The following IGFBPL1 variants were observed in gnomAD, a reference collection of about 807,000 sequenced individuals.
IGFBPL1 encodes the protein insulin-like growth factor-binding protein-like 1.
A neutral mutation model predicts 23.9 loss-of-function variants in IGFBPL1; 20 were observed. The observed-to-expected ratio is 0.84, with a 90% CI of 0.59 to 1.22. The LOEUF (loss-of-function observed/expected upper bound fraction) is 1.22, where lower values mean the gene tolerates loss of function less well. Among genes scored for constraint, IGFBPL1 ranks in the 50% most tolerant of loss-of-function variants. IGFBPL1 has a pLI of 0.00. For missense variants in IGFBPL1, 436 were observed against 379.3 expected (o/e 1.15, Z -1.24); for synonymous variants, 184 against 171.8 (o/e 1.07, Z -0.56).
rs954317542 is a variant in IGFBPL1, at chr9:38,413,752, G to A, written c.570+342C>T. Among the ~76,000 whole-genome samples the A allele has an allele frequency of 3.3e-5, 5 of 152,262 alleles. No individual in the cohort carries two copies. In the East Asian group the frequency reaches 5.8e-4, roughly 18 times the overall value. ...CCAGGTCTGTCTGAAACACAGCCCC[G>A]AAGTGAAGCAGGATACACACACACA... On this transcript the variant is annotated intron_variant, in intron 2 of 4. Coordinates refer to ENST00000377694, the MANE Select transcript of IGFBPL1 (RefSeq NM_001007563.3).
intron 1 of IGFBPL1, among the ~76,000 whole-genome samples, chr9:38,420,745 G>A (rs1821667863): frequency 6.6e-6 from 1 of 152,208 alleles, no homozygotes; most frequent in African/African-American, 2.4e-5. Context: ...GCTGAGGCAG[G>A]AGAATGGCGT....
intron 4 of IGFBPL1, among the ~76,000 whole-genome samples, chr9:38,411,115 C>T (rs1424094782): frequency 6.6e-6 from 1 of 151,900 alleles, no homozygotes; most frequent in Admixed American, 6.5e-5. Context: ...AGGAAATATT[C>T]CCTCCAGCCC....
At chr9:38,421,797 C>G (rs1276582492) in intron 1 of IGFBPL1, among the ~76,000 whole-genome samples, 1 of 152,214 alleles carries the variant, frequency 6.6e-6, no homozygotes, top group African/African-American at 2.4e-5. Context: ...GCAGAGGCCA[C>G]ACTAGCACTT....
At chr9:38,411,575 A>G in intron 3 of IGFBPL1, 26 bp from the exon 4 acceptor site, 3 of 1,607,638 alleles carry the variant, frequency 1.9e-6, no homozygotes, top group Non-Finnish European at 2.6e-6. Context: ...GCAAGTTTAT[A>G]CAGTTATATA....
rs1485473028 is a variant in IGFBPL1, at chr9:38,407,100, C to T, written c.*2127G>A. 1.3e-5 allele frequency among the ~76,000 whole-genome samples: 2 copies of T among 151,050 alleles called. No homozygotes were observed. Among genetic ancestry groups the T allele is most frequent in the Non-Finnish European group, 2.9e-5 (2 of 67,870 alleles). ...GGAGAATTAACTGCAGGCCTTCACA[C>T]ATGGAAGTCAGTCACAGTGCGTGGA... On this transcript the variant is annotated 3_prime_UTR_variant, in exon 5 of 5. Transcript: ENST00000377694.
chr9:38,406,919 G>T lies in IGFBPL1; in HGVS notation c.*2308C>A, dbSNP rs1821437824. 6.6e-6 allele frequency among the ~76,000 whole-genome samples: 1 copy of T among 152,204 alleles called. No individual in the cohort carries two copies. Among genetic ancestry groups the T allele is most frequent in the South Asian group, 2.1e-4 (1 of 4,830 alleles). ...ACATCCAGCCCTTCAGTTTTCACTA[G>T]GCAAATCTGAGGTGAGTCAACTGAG... On this transcript the variant is annotated 3_prime_UTR_variant, in exon 5 of 5. Transcript: ENST00000377694.
intron 1 of IGFBPL1, among the ~76,000 whole-genome samples, chr9:38,415,823 C>T (rs550949450): frequency 5.6e-4 from 85 of 152,232 alleles, no homozygotes; most frequent in African/African-American, 2.0e-3. Context: ...CTGGGTGTCC[C>T]AGCAGCCCAC....
At chr9:38,412,904 C>A (rs1923426) in intron 3 of IGFBPL1, among the ~76,000 whole-genome samples, 42,563 of 152,100 alleles carry the variant, frequency 0.28, 6,068 homozygotes, top group Non-Finnish European at 0.3. Context: ...AATTGGCCCA[C>A]CCGGATAATC....
At chr9:38,417,298 T>C (rs1275509329) in intron 1 of IGFBPL1, among the ~76,000 whole-genome samples, 2 of 152,292 alleles carry the variant, frequency 1.3e-5, no homozygotes, top group Middle Eastern at 3.4e-3. Flanking sequence ...CCATCCTGCC[T>C]TTTCCCTAGA....
intron 1 of IGFBPL1, among the ~76,000 whole-genome samples, chr9:38,414,620 T>A (rs1821566997): frequency 6.6e-6 from 1 of 152,106 alleles, no homozygotes; most frequent in African/African-American, 2.4e-5. Flanking sequence ...CAGATGGGCT[T>A]TTCTCCTTCC....
chr9:38,411,542 G>A lies in IGFBPL1; in HGVS notation c.695C>T (p.Pro232Leu). ...HEATAWILIN[P>L]LRKEDEGVYQ... ...CACACCCTCATCCTCCTTTCGCAGG[G>A]GGTTGATCTAGAAATACAACAGGCA... Residue 232 changes from proline to leucine, a missense_variant, in exon 4 of 5, where the codon CCC becomes CTC. Physicochemically the swap from Pro to Leu is moderately conservative, Grantham distance 98. Transcript: ENST00000377694. 6.2e-7 allele frequency: 1 copy of A among 1,613,628 alleles called. No individual in the cohort carries two copies. Among genetic ancestry groups the A allele is most frequent in the Non-Finnish European group, 8.5e-7 (1 of 1,179,848 alleles).
intron 4 of IGFBPL1, among the ~76,000 whole-genome samples, chr9:38,410,307 C>A (rs1821493706): frequency 6.6e-6 from 1 of 151,664 alleles, no homozygotes; most frequent in Admixed American, 6.6e-5. Context: ...ACGGTGAAAC[C>A]CCGTCTCTAC....
In IGFBPL1 at chr9:38,412,634, T is replaced by C. The variant is rs535650661; in HGVS notation, c.687+603A>G. 4.6e-5 allele frequency among the ~76,000 whole-genome samples: 7 copies of C among 152,290 alleles called. No individual in the cohort carries two copies. The South Asian group carries it at 1.5e-3, about 32-fold the overall frequency. ...AGTGCCTTAAAACAAACACATTTCT[T>C]TTCTACAGTTTTGGAGGTCAGAGGC... On this transcript the variant is annotated intron_variant, in intron 3 of 4. Coordinates refer to ENST00000377694, the MANE Select transcript of IGFBPL1 (RefSeq NM_001007563.3).
intron 1 of IGFBPL1, among the ~76,000 whole-genome samples, chr9:38,418,273 G>A (rs1363552219): frequency 6.6e-6 from 1 of 152,192 alleles, no homozygotes; most frequent in African/African-American, 2.4e-5. Context: ...AAGAGTCCAG[G>A]TTCAAATCCT....
At chr9:38,415,861 C>T (rs748483983) in intron 1 of IGFBPL1, among the ~76,000 whole-genome samples, 39 of 152,154 alleles carry the variant, frequency 2.6e-4, no homozygotes, top group Non-Finnish European at 5.0e-4. Flanking sequence ...ACTGCCCTCC[C>T]CATCCCAGGC....
intron 1 of IGFBPL1, among the ~76,000 whole-genome samples, chr9:38,414,779 C>T (rs1821569378): frequency 6.6e-6 from 1 of 152,170 alleles, no homozygotes; most frequent in Non-Finnish European, 1.5e-5. Context: ...CTCCCCATCC[C>T]CAGAAGCCGA....
rs1253293910 is a variant in IGFBPL1, at chr9:38,424,375, G to A, written c.50C>T (p.Pro17Leu). 6 of 682,442 alleles carry A rather than the reference G, an allele frequency of 8.8e-6. No homozygotes were observed. Among genetic ancestry groups the A allele is most frequent in the South Asian group, 1.7e-5 (1 of 58,974 alleles). The allele number at this position is 682,442 out of a possible 1,614,324, so 42.3% of individuals were successfully genotyped here. A position where few individuals can be genotyped will look rare whatever the true frequency, so the allele number is the denominator to read the frequency against. ...GCTCGGGGACAGCGGCGGCAGCAGC[G>A]GCAGCAGCAGCAGAAGCAGCAGCGG... is the stretch of plus-strand genomic sequence containing the variant. ...LLPLLLLLLL[P>L]LLPPLSPSLG... The change falls in exon 1 of 5, where the codon CCG (proline) becomes CTG (leucine). Residue 17 changes from proline (P) to leucine (L), a missense_variant. Transcript: ENST00000377694.
rs753017533 is a variant in IGFBPL1 at position 38,424,335 on chromosome 9, G to A, written c.90C>T (p.Asp30=). ...PPLSPSLGIR[D]VGGRRPKCGP... is the part of the protein sequence containing the mutation. ...CACACTTGGGGCGCCGGCCGCCCAC[G>A]TCGCGGATCCCAAGGCTCGGGGACA... Residue 30 remains aspartate (D), a synonymous_variant, in exon 1 of 5, where the codon GAC becomes GAT. Coordinates refer to ENST00000377694, the MANE Select transcript of IGFBPL1 (RefSeq NM_001007563.3). 97 of 1,028,648 alleles carry A rather than the reference G, an allele frequency of 9.4e-5. No individual in the cohort carries two copies. Among genetic ancestry groups the A allele is most frequent in the Non-Finnish European group, 1.2e-4 (89 of 731,928 alleles). 63.7% of individuals were successfully genotyped at this position (1,028,648 alleles called of 1,614,324 possible).
At chr9:38,415,980 G>A (rs7043064) in intron 1 of IGFBPL1, among the ~76,000 whole-genome samples, 9,910 of 152,154 alleles carry the variant, frequency 0.065, 1,067 homozygotes, top group African/African-American at 0.22. Context: ...CCAAAGCCCC[G>A]GGAACCAAGA....
Sources: allele counts gnomAD v4.1 joint callset (sites outside exome capture counted in the v4.1 genomes callset), GRCh38; gene constraint gnomAD v4.1.1; transcripts MANE v1.5; gene names NCBI Gene and HGNC (gene_info 2026-07-23, HGNC 2026-07-21).